The following HECW1 variants were observed in gnomAD, a reference collection of about 807,000 sequenced individuals.
HECW1 encodes the protein E3 ubiquitin-protein ligase HECW1.
HECW1 carries 61 observed loss-of-function variants against 182.3 expected under a neutral mutation model. The observed-to-expected ratio is 0.33, with a 90% confidence interval of 0.27 to 0.41. The LOEUF is 0.41. HECW1 is among the 10% of genes least tolerant of loss of function. The pLI is 1.00. For missense variants in HECW1, 1,739 were observed against 2,108.9 expected, an observed-to-expected ratio of 0.82 and a Z score of 3.44; for synonymous variants, 859 against 832.6, an observed-to-expected ratio of 1.03 and a Z score of -0.55.
intron 2 of HECW1, among the ~76,000 whole-genome samples, chr7:43,221,200 G>A (rs1249921259): frequency 6.6e-6 from 1 of 152,148 alleles, no homozygotes; most frequent in Non-Finnish European, 1.5e-5. Context: ...GAGAGTTTAG[G>A]TAGGCAGCTG....
At chr7:43,188,128 T>C (rs1173998207) in intron 2 of HECW1, among the ~76,000 whole-genome samples, 1 of 152,224 alleles carries the variant, frequency 6.6e-6, no homozygotes, top group African/African-American at 2.4e-5. Context: ...AGACTGAGGA[T>C]GTCTCTTCAA....
intron 11 of HECW1, among the ~76,000 whole-genome samples, chr7:43,447,201 C>T (rs568649393): frequency 1.3e-5 from 2 of 151,826 alleles, no homozygotes; most frequent in Admixed American, 1.3e-4. Flanking sequence ...TGTACTGACA[C>T]TTTTCTTAGC....
intron 14 of HECW1, among the ~76,000 whole-genome samples, chr7:43,466,022 GGGAAGGAA>G (rs139714300): frequency 1.2e-4 from 12 of 99,082 alleles, no homozygotes; most frequent in African/African-American, 3.8e-4. Flanking sequence ...GAGGGACAGA[GGGAAGGAA>G]GGAAGGAAGG....
At chr7:43,429,031 A>T (rs2076448371) in intron 8 of HECW1, among the ~76,000 whole-genome samples, 1 of 150,232 alleles carries the variant, frequency 6.7e-6, no homozygotes, top group East Asian at 1.9e-4. Flanking sequence ...AATTTTACAT[A>T]TAATATACAA....
chr7:43,227,591 C>G (rs1045366415), intron 2 of HECW1, among the ~76,000 whole-genome samples: 1 of 152,078 alleles, frequency 6.6e-6, no homozygotes, highest in Non-Finnish European at 1.5e-5. Flanking sequence ...TATGTTAATT[C>G]ATATATAGTT....
chr7:43,476,501 A>C (rs1183357226), intron 16 of HECW1, among the ~76,000 whole-genome samples: 1 of 152,172 alleles, frequency 6.6e-6, no homozygotes, highest in Non-Finnish European at 1.5e-5. Flanking sequence ...GGAACTTAAT[A>C]AAATTAATAT....
chr7:43,361,815 CTTTTTTT>C (rs397890047), intron 6 of HECW1, among the ~76,000 whole-genome samples: 20 of 77,964 alleles, frequency 2.6e-4, no homozygotes, highest in Admixed American at 6.7e-4. Flanking sequence ...AAGACTCTCT[CTTTTTTT>C]TTTTTTTTTT....
intron 21 of HECW1, among the ~76,000 whole-genome samples, chr7:43,503,215 AC>A (rs1382953869): frequency 3.3e-5 from 5 of 152,212 alleles, no homozygotes; most frequent in South Asian, 2.1e-4. Flanking sequence ...GCCTAAAAAG[AC>A]CAGGAGCTTT....
intron 16 of HECW1, among the ~76,000 whole-genome samples, chr7:43,471,273 A>C (rs1290068671): frequency 6.6e-6 from 1 of 152,168 alleles, no homozygotes; most frequent in Non-Finnish European, 1.5e-5. Context: ...CTAACTTGGA[A>C]AGGATATGCT....
intron 2 of HECW1, among the ~76,000 whole-genome samples, chr7:43,197,440 G>A (rs754742018): frequency 6.6e-6 from 1 of 152,200 alleles, no homozygotes; most frequent in Non-Finnish European, 1.5e-5. Flanking sequence ...TTAGCCCCCT[G>A]CAAAGCGATG....
At chr7:43,149,046 C>T (rs1211792166) in intron 2 of HECW1, among the ~76,000 whole-genome samples, 2 of 151,860 alleles carry the variant, frequency 1.3e-5, no homozygotes, top group East Asian at 1.9e-4. Flanking sequence ...TCAGAACACC[C>T]CTGTAATAAT....
chr7:43,131,213 C>T (rs184130440), intron 2 of HECW1, among the ~76,000 whole-genome samples: 4 of 152,056 alleles, frequency 2.6e-5, no homozygotes, highest in Non-Finnish European at 4.4e-5. Flanking sequence ...TGCGGTGAGC[C>T]GAGATCTTGC....
chr7:43,477,574 A>G (rs906195762), intron 16 of HECW1, among the ~76,000 whole-genome samples: 3 of 152,060 alleles, frequency 2.0e-5, no homozygotes, highest in African/African-American at 7.2e-5. Flanking sequence ...CCAATTTTTC[A>G]AGGGTATATC....
intron 26 of HECW1, among the ~76,000 whole-genome samples, chr7:43,550,213 A>G (rs973552324): frequency 6.6e-6 from 1 of 152,180 alleles, no homozygotes; most frequent in Admixed American, 6.5e-5. Flanking sequence ...ATTTGCCCCC[A>G]GGAATGCAGG....
intron 8 of HECW1, among the ~76,000 whole-genome samples, chr7:43,430,072 C>A (rs944003223): frequency 6.6e-6 from 1 of 152,236 alleles, no homozygotes; most frequent in African/African-American, 2.4e-5. Context: ...CCATCCTTAA[C>A]CTTTTCTGAA....
At chr7:43,408,390 G>A (rs2075682405) in intron 8 of HECW1, among the ~76,000 whole-genome samples, 1 of 152,020 alleles carries the variant, frequency 6.6e-6, no homozygotes, top group Non-Finnish European at 1.5e-5. Flanking sequence ...CTCTCCTAAA[G>A]GACATGTAGA....
chr7:43,124,681 G>A (rs1449647140), intron 2 of HECW1, among the ~76,000 whole-genome samples: 1 of 152,192 alleles, frequency 6.6e-6, no homozygotes, highest in Non-Finnish European at 1.5e-5. Context: ...TGCAAAGTCA[G>A]TGCTGGGATA....
At chr7:43,210,845 G>A (rs1460243696) in intron 2 of HECW1, among the ~76,000 whole-genome samples, 2 of 152,198 alleles carry the variant, frequency 1.3e-5, no homozygotes, top group South Asian at 2.1e-4. Context: ...CTGCAATGGC[G>A]GTAAATATCA....
chr7:43,361,696 T>C (rs375741614), intron 6 of HECW1, among the ~76,000 whole-genome samples: 4 of 152,180 alleles, frequency 2.6e-5, no homozygotes, highest in South Asian at 2.1e-4. Flanking sequence ...TAGGCTGAAA[T>C]GCACTGAGAA....
Sources: gnomAD v4.1 joint callset for allele counts (sites outside exome capture counted in the v4.1 genomes callset) on GRCh38, gnomAD v4.1.1 for gene constraint, MANE v1.5 for transcripts, NCBI Gene and HGNC (gene_info 2026-07-23, HGNC 2026-07-21) for gene names.